SLC35F4: variants seen among roughly 807,000 people sequenced by gnomAD.
The protein encoded by SLC35F4 is solute carrier family 35 member F4.
A neutral mutation model predicts 44.2 loss-of-function variants in SLC35F4; 24 were observed. The observed-to-expected ratio is 0.54, with a 90% CI of 0.39 to 0.76. The LOEUF (loss-of-function observed/expected upper bound fraction) is 0.76, where lower values mean the gene tolerates loss of function less well. SLC35F4 is among the 30% of genes least tolerant of loss of function. The probability of loss-of-function intolerance (pLI) is 0.00; values close to 1 mark genes in which losing one functional copy is unlikely to be tolerated. For missense variants in SLC35F4, 562 were observed against 586.1 expected (o/e 0.96, Z 0.42); for synonymous variants, 238 against 223.6 (o/e 1.06, Z -0.57).
chr14:57,685,364 G>C (rs1055001218), intron 1 of SLC35F4, among the ~76,000 whole-genome samples: 1 of 152,074 alleles, frequency 6.6e-6, no homozygotes, highest in Non-Finnish European at 1.5e-5. Flanking sequence ...AATTTATTTA[G>C]GTTACTTTGA....
intron 1 of SLC35F4, among the ~76,000 whole-genome samples, chr14:57,855,239 G>C (rs1469420667): frequency 1.3e-5 from 2 of 152,096 alleles, no homozygotes; most frequent in Non-Finnish European, 2.9e-5. Context: ...TATCATCAGA[G>C]TAAACAGGCA....
intron 1 of SLC35F4, among the ~76,000 whole-genome samples, chr14:57,874,674 C>T (rs1888362276): frequency 1.3e-5 from 2 of 152,140 alleles, no homozygotes; most frequent in African/African-American, 4.8e-5. Flanking sequence ...GGCTATGTGG[C>T]TTTCTAACTG....
At chr14:57,650,571 G>A (rs546635554) in intron 1 of SLC35F4, among the ~76,000 whole-genome samples, 15 of 152,166 alleles carry the variant, frequency 9.9e-5, no homozygotes, top group South Asian at 2.1e-4. Context: ...AGACCACTAC[G>A]ATAATCTGCT....
chr14:57,646,572 G>C (rs2073529742), intron 1 of SLC35F4, among the ~76,000 whole-genome samples: 1 of 152,160 alleles, frequency 6.6e-6, no homozygotes, highest in African/African-American at 2.4e-5. Flanking sequence ...CAAAAAACCA[G>C]TTCCTGGATT....
At chr14:57,691,980 G>A (rs1218075507) in intron 1 of SLC35F4, among the ~76,000 whole-genome samples, 3 of 152,176 alleles carry the variant, frequency 2.0e-5, no homozygotes, top group Admixed American at 1.3e-4. Context: ...TGTCCAGGAA[G>A]CTGGAGAATA....
At chr14:57,577,859 C>A (rs1453646701) in intron 4 of SLC35F4, among the ~76,000 whole-genome samples, 1 of 152,088 alleles carries the variant, frequency 6.6e-6, no homozygotes, top group African/African-American at 2.4e-5. Context: ...ATGGGATGAT[C>A]ACAGATTAGC....
At chr14:57,763,323 TAAAG>T (rs1190414631) in intron 1 of SLC35F4, among the ~76,000 whole-genome samples, 1 of 152,168 alleles carries the variant, frequency 6.6e-6, no homozygotes, top group Non-Finnish European at 1.5e-5. Context: ...GGTATAAAGA[TAAAG>T]AAATTTGTTT....
At position 57,932,930 on chromosome 14, in the gene SLC35F4, T is replaced by C. The variant is rs191708211; in HGVS notation, n.282+48983A>G. ...GATGCAATACATATTCCTTCCTCTC[T>C]TTTCTCTGAAGATTTGAAAACTCCA... On this transcript the variant is annotated intron_variant and non_coding_transcript_variant, in intron 1 of 1. Transcript: ENST00000556568. 1.4e-3 allele frequency among the ~76,000 whole-genome samples: 218 copies of C among 152,264 alleles called. 1 individual carries two copies. Among genetic ancestry groups the C allele is most frequent in the African/African-American group, 4.9e-3 (205 of 41,548 alleles).
intron 1 of SLC35F4, among the ~76,000 whole-genome samples, chr14:57,905,153 G>C (rs1339266089): frequency 6.6e-6 from 1 of 152,174 alleles, no homozygotes; most frequent in African/African-American, 2.4e-5. Flanking sequence ...ATTAACTGGG[G>C]CTGGAGGATC....
At chr14:57,861,884 TTC>T (rs1157233126) in intron 1 of SLC35F4, among the ~76,000 whole-genome samples, 1 of 152,186 alleles carries the variant, frequency 6.6e-6, no homozygotes, top group African/African-American at 2.4e-5. Context: ...CTTCTGCCTC[TTC>T]TCTTCTCTAT....
intron 1 of SLC35F4, among the ~76,000 whole-genome samples, chr14:57,747,926 G>A (rs1284281179): frequency 6.6e-6 from 1 of 152,138 alleles, no homozygotes; most frequent in East Asian, 1.9e-4. Flanking sequence ...TAGGCTTCAA[G>A]AACAAAAGTC....
intron 1 of SLC35F4, among the ~76,000 whole-genome samples, chr14:57,637,307 T>C (rs75625332): frequency 0.17 from 26,331 of 152,066 alleles, 2,292 homozygotes; most frequent in Middle Eastern, 0.22. Context: ...AATCTTACAA[T>C]TGAACTCCTC....
chr14:57,739,851 C>T (rs1053657758), intron 1 of SLC35F4, among the ~76,000 whole-genome samples: 2 of 152,184 alleles, frequency 1.3e-5, no homozygotes, highest in African/African-American at 4.8e-5. Flanking sequence ...TCTCAGCAAA[C>T]AGTGGCTATT....
At chr14:57,711,168 G>GT (rs2075809533) in intron 1 of SLC35F4, among the ~76,000 whole-genome samples, 1 of 152,078 alleles carries the variant, frequency 6.6e-6, no homozygotes, top group South Asian at 2.1e-4. Context: ...TAGTGAGTGA[G>GT]TTCTCATGAG....
chr14:57,572,308 G>A (rs1209269664), intron 4 of SLC35F4, among the ~76,000 whole-genome samples: 1 of 151,862 alleles, frequency 6.6e-6, no homozygotes, highest in African/African-American at 2.4e-5. Context: ...TTTAGCTCAA[G>A]CTTTCTAGGG....
intron 1 of SLC35F4, among the ~76,000 whole-genome samples, chr14:57,789,651 A>G (rs993627880): frequency 6.6e-6 from 1 of 152,160 alleles, no homozygotes; most frequent in Non-Finnish European, 1.5e-5. Context: ...TTTTATGAGG[A>G]CAGAATCATC....
chr14:57,872,069 G>T (rs1349250587), intron 1 of SLC35F4, among the ~76,000 whole-genome samples: 1 of 152,126 alleles, frequency 6.6e-6, no homozygotes, highest in Non-Finnish European at 1.5e-5. Flanking sequence ...GAACCAGAGA[G>T]AACACAAAAT....
intron 1 of SLC35F4, among the ~76,000 whole-genome samples, chr14:57,656,410 T>TA (rs1334791014): frequency 7.2e-6 from 1 of 139,824 alleles, no homozygotes; most frequent in African/African-American, 2.7e-5. Flanking sequence ...CACACACAGA[T>TA]ACACATGATA....
intron 1 of SLC35F4, among the ~76,000 whole-genome samples, chr14:57,803,305 C>T (rs1880876419): frequency 6.6e-6 from 1 of 152,080 alleles, no homozygotes; most frequent in Admixed American, 6.5e-5. Flanking sequence ...GAACATAACA[C>T]AAAATAATAG....
Sources: allele counts gnomAD v4.1 joint callset (sites outside exome capture counted in the v4.1 genomes callset), GRCh38; gene constraint gnomAD v4.1.1; transcripts MANE v1.5; gene names NCBI Gene and HGNC (gene_info 2026-07-23, HGNC 2026-07-21).